GPR149: variants seen among roughly 807,000 people sequenced by gnomAD.
The protein encoded by GPR149 is probable G protein-coupled receptor 149.
A neutral mutation model predicts 50.2 loss-of-function variants in GPR149; 50 were observed. The observed-to-expected ratio is 1.00, with a 90% CI of 0.79 to 1.26. GPR149 has a LOEUF of 1.26. GPR149 is among the 50% of genes most tolerant of loss of function. GPR149 has a pLI of 0.00. For missense variants in GPR149, 983 were observed against 895.4 expected (o/e 1.10, Z -1.25); for synonymous variants, 405 against 358.2 (o/e 1.13, Z -1.48).
In GPR149 at chr3:154,374,197, T is replaced by C. The variant is rs191145179; in HGVS notation, c.1624-35926A>G. ...TTTTTTTTTTTTTTGAGACAGAGTC[T>C]CTTTCTGTTTTCTGTTGCCCAGGCT... On this transcript the variant is annotated intron_variant, in intron 3 of 3. Coordinates refer to ENST00000389740, the MANE Select transcript of GPR149 (RefSeq NM_001038705.3). Among the ~76,000 whole-genome samples the C allele has an allele frequency of 3.1e-3, 365 of 116,072 alleles. 2 individuals carry two copies. Among genetic ancestry groups the C allele is most frequent in the Middle Eastern group, 0.012 (2 of 164 alleles). The allele number at this position is 116,072 out of a possible 152,430, so 76.1% of individuals were successfully genotyped here.
At chr3:154,345,569 C>T (rs1236513542) in intron 3 of GPR149, among the ~76,000 whole-genome samples, 4 of 152,088 alleles carry the variant, frequency 2.6e-5, no homozygotes, top group African/African-American at 7.2e-5. Context: ...AGTCTTTAAG[C>T]CACACAAATG....
At chr3:154,397,311 C>A (rs1489334059) in intron 3 of GPR149, among the ~76,000 whole-genome samples, 4 of 151,850 alleles carry the variant, frequency 2.6e-5, no homozygotes, top group Non-Finnish European at 4.4e-5. Flanking sequence ...TGAGGACAGC[C>A]AGCTTGGAGG....
At chr3:154,352,153 T>G (rs549894392) in intron 3 of GPR149, 1 of 762,194 alleles carries the variant, frequency 1.3e-6, no homozygotes, top group East Asian at 2.7e-5. Context: ...AAACTCCATT[T>G]GTGGCCCCCA....
At chr3:154,356,964 G>A (rs1714249246) in intron 3 of GPR149, among the ~76,000 whole-genome samples, 1 of 152,038 alleles carries the variant, frequency 6.6e-6, no homozygotes, top group South Asian at 2.1e-4. Context: ...AAACAGCATG[G>A]TACTGGTATC....
intron 3 of GPR149, among the ~76,000 whole-genome samples, chr3:154,348,624 G>C (rs1353813918): frequency 6.6e-6 from 1 of 152,108 alleles, no homozygotes; most frequent in African/African-American, 2.4e-5. Context: ...TGATAGAACT[G>C]AAAGGAGAAA....
rs1713697398 is a variant in GPR149, at chr3:154,338,054, C to T, written c.1841G>A (p.Ser614Asn). 1 of 1,614,220 alleles carries T rather than the reference C, an allele frequency of 6.2e-7. No homozygotes were observed. Among genetic ancestry groups the T allele is most frequent in the Non-Finnish European group, 8.5e-7 (1 of 1,180,026 alleles). ...EDSSSTFVDT[S>N]VKIHLEVLEI... Reference sequence around the variant, plus strand: ...AAGAACCTCCAAGTGTATTTTCACACTGGTGTCCACAAACGTGGATGAAGA... The same window carrying T: ...AAGAACCTCCAAGTGTATTTTCACATTGGTGTCCACAAACGTGGATGAAGA... The change falls in exon 4 of 4, where the codon AGT becomes AAT. Residue 614 changes from serine to asparagine, a missense_variant. Coordinates refer to ENST00000389740, the MANE Select transcript of GPR149 (RefSeq NM_001038705.3).
At chr3:154,362,513 G>T (rs149560787) in intron 3 of GPR149, among the ~76,000 whole-genome samples, 269 of 152,120 alleles carry the variant, frequency 1.8e-3, no homozygotes, top group Non-Finnish European at 2.9e-3. Context: ...AACTTCAGGG[G>T]GAAGAAACAT....
At position 154,356,506 on chromosome 3, in the gene GPR149, CA is replaced by C. The variant is rs1223565038; in HGVS notation, c.1624-18236del. On this transcript the variant is annotated intron_variant, in intron 3 of 3. Transcript: ENST00000389740. ...AGTCTCAGGATACAAAATCAATGTGCAAAAATCACAAGCATTCTTGTACACC... is the reference window on the plus strand; with the variant it reads ...AGTCTCAGGATACAAAATCAATGTGCAAAATCACAAGCATTCTTGTACACC... Among the ~76,000 whole-genome samples the C allele has an allele frequency of 2.0e-5, 3 of 152,080 alleles. No homozygotes were observed. In the East Asian group the frequency reaches 5.8e-4, roughly 29 times the overall value.
rs1269564697 is a variant in GPR149 at position 154,335,740 on chromosome 3, C to A, written c.*1959G>T. 1 of 152,110 alleles carries A rather than the reference C, an allele frequency of 6.6e-6. No homozygotes were observed. Among genetic ancestry groups the A allele is most frequent in the Non-Finnish European group, 1.5e-5 (1 of 67,968 alleles). The allele number at this position is 152,110 out of a possible 1,614,324, so 9.4% of individuals were successfully genotyped here. A position where few individuals can be genotyped will look rare whatever the true frequency, so the allele number is the denominator to read the frequency against. On this transcript the variant is annotated 3_prime_UTR_variant, in exon 4 of 4. Coordinates refer to ENST00000389740, the MANE Select transcript of GPR149 (RefSeq NM_001038705.3). ...TAAACCTTGATTTCTGTTATAATCT[C>A]CATCCCATTCAAATTGCTGTGCAGT...
chr3:154,338,349 C>G (rs1713707051), intron 3 of GPR149, 78 bp from the exon 4 acceptor site: 11 of 1,175,540 alleles, frequency 9.4e-6, no homozygotes, highest in African/African-American at 1.5e-5. Context: ...TTTTGTTCAT[C>G]AGAATGATAA....
intron 3 of GPR149, among the ~76,000 whole-genome samples, chr3:154,347,525 T>A (rs1384308886): frequency 3.9e-5 from 6 of 152,228 alleles, no homozygotes; most frequent in Non-Finnish European, 8.8e-5. Context: ...TTATGGGAAC[T>A]ACAATTCAAG....
Position 154,337,492 on chromosome 3 carries a change from T to G in GPR149, c.*207A>C, listed in dbSNP as rs1048657812. The stretch of plus-strand genomic sequence containing the variant: ...TCAGATAAGAAGTAAAATCTTTTCA[T>G]TACCACAGTGTGTGATCTTTAGGTA... On this transcript the variant is annotated 3_prime_UTR_variant, in exon 4 of 4. Transcript: ENST00000389740. Among the ~76,000 whole-genome samples the G allele has an allele frequency of 3.9e-5, 6 of 152,218 alleles. No individual in the cohort carries two copies. The highest frequency in any genetic ancestry group is 1.4e-4 in the African/African-American group (6 of 41,472).
At chr3:154,347,981 C>T (rs1713975475) in intron 3 of GPR149, among the ~76,000 whole-genome samples, 1 of 152,198 alleles carries the variant, frequency 6.6e-6, no homozygotes, top group East Asian at 1.9e-4. Flanking sequence ...ACCTGAGTCA[C>T]TATCTCTATA....
Position 154,421,302 on chromosome 3 carries a change from CT to C in GPR149, c.1359del (p.Val454Ter). 6.2e-7 allele frequency: 1 copy of C among 1,613,346 alleles called. No homozygotes were observed. The highest frequency in any genetic ancestry group is 8.5e-7 in the Non-Finnish European group (1 of 1,179,552). Reference sequence around the variant, plus strand: ...AGAGAGGGCGTGGTGCTGATTTCTACTTTTATAGCATTGAAGATGTTACGGT... The same window carrying C: ...AGAGAGGGCGTGGTGCTGATTTCTACTTTATAGCATTGAAGATGTTACGGT... ...RDNRNIFNAI[K>X]VEISTTPSLD... On this transcript the variant is annotated frameshift_variant, in exon 3 of 4. Transcript: ENST00000389740. LOFTEE classifies it high-confidence loss of function.
chr3:154,391,999 G>A (rs1365250694), intron 3 of GPR149, among the ~76,000 whole-genome samples: 1 of 151,278 alleles, frequency 6.6e-6, no homozygotes, highest in Non-Finnish European at 1.5e-5. Context: ...TCCAACATCA[G>A]AGCACTTAAA....
At position 154,338,344 on chromosome 3, in the gene GPR149, T is replaced by C. The variant is rs1713706907; in HGVS notation, c.1624-73A>G. ...TTGAGACATTTAGAAATTCATTTTG[T>C]TCATCAGAATGATAAAGGTTTTCTA... On this transcript the variant is annotated intron_variant, in intron 3 of 3. Coordinates refer to ENST00000389740, the MANE Select transcript of GPR149 (RefSeq NM_001038705.3). 4.2e-6 allele frequency: 5 copies of C among 1,184,836 alleles called. No individual in the cohort carries two copies. In the East Asian group the frequency reaches 1.2e-4, roughly 28 times the overall value. The allele number at this position is 1,184,836 out of a possible 1,614,324, so 73.4% of individuals were successfully genotyped here. A position where few individuals can be genotyped will look rare whatever the true frequency, so the allele number is the denominator to read the frequency against.
At chr3:154,377,391 G>A (rs1714818399) in intron 3 of GPR149, among the ~76,000 whole-genome samples, 1 of 111,412 alleles carries the variant, frequency 9.0e-6, no homozygotes, top group Non-Finnish European at 2.0e-5. Flanking sequence ...TATTATTACT[G>A]AGTCTCATTC....
At chr3:154,407,286 A>G (rs1711720608) in intron 3 of GPR149, among the ~76,000 whole-genome samples, 1 of 152,144 alleles carries the variant, frequency 6.6e-6, no homozygotes, top group African/African-American at 2.4e-5. Context: ...AAATGAAGGG[A>G]ATGGAAAAAT....
At chr3:154,391,171 C>A (rs560641148) in intron 3 of GPR149, among the ~76,000 whole-genome samples, 1 of 151,884 alleles carries the variant, frequency 6.6e-6, no homozygotes, top group Non-Finnish European at 1.5e-5. Context: ...TACTATAATA[C>A]TGTAATGGTA....
Sources: gnomAD v4.1 joint callset for allele counts (sites outside exome capture counted in the v4.1 genomes callset) on GRCh38, gnomAD v4.1.1 for gene constraint, MANE v1.5 for transcripts, NCBI Gene and HGNC (gene_info 2026-07-23, HGNC 2026-07-21) for gene names.